PCDHGB4: variants seen among roughly 807,000 people sequenced by gnomAD.
The protein encoded by PCDHGB4 is protocadherin gamma-B4.
A neutral mutation model predicts 60.5 loss-of-function variants in PCDHGB4; 38 were observed. The ratio of observed to expected loss-of-function variants is 0.63; its 90% CI spans 0.48 to 0.82. PCDHGB4 has a LOEUF of 0.82. Ranked by LOEUF, PCDHGB4 falls within the 40% of genes least tolerant of loss-of-function variation. The pLI is 0.00. For missense variants in PCDHGB4, 1,109 were observed against 1,209.6 expected (o/e 0.92, Z 1.23); for synonymous variants, 456 against 509.7 (o/e 0.89, Z 1.42).
At chr5:141,417,699 C>A (rs2096148616) in intron 1 of PCDHGB4, 1 of 1,164,548 alleles carries the variant, frequency 8.6e-7, no homozygotes, top group Non-Finnish European at 1.2e-6. Context: ...AACCAGCTCC[C>A]ACACAGAGGC....
rs1358954122 is a variant in PCDHGB4, at chr5:141,491,553, C to T, written c.2398-3254C>T. On this transcript the variant is annotated intron_variant, in intron 1 of 3. Coordinates refer to ENST00000519479, the MANE Select transcript of PCDHGB4 (RefSeq NM_003736.4). This position sits in a 1 kb window ranked among gnomAD's most constrained non-coding sequence, Gnocchi z 6.9. ...CGCTGCGGCCCACAGACTCGCAGAG[C>T]CACTGCTACAGGACGTGCTTTTCAC... The T allele has an allele frequency of 6.2e-7, 1 of 1,613,954 alleles. No homozygotes were observed.
Position 141,512,040 on chromosome 5 carries a change from A to G in PCDHGB4, c.*867A>G, listed in dbSNP as rs775766584. 1.3e-5 allele frequency: 2 copies of G among 152,838 alleles called. No homozygotes were observed. The highest frequency in any genetic ancestry group is 2.9e-5 in the Non-Finnish European group (2 of 68,198). 9.5% of individuals were successfully genotyped at this position (152,838 alleles called of 1,614,324 possible). A position where few individuals can be genotyped will look rare whatever the true frequency, so the allele number is the denominator to read the frequency against. ...ATCAAGGCCTTGGAGGAGGCTCTGT[A>G]TGTCCTCAGGGGACTGACAACATCC... On this transcript the variant is annotated 3_prime_UTR_variant, in exon 4 of 4. Coordinates refer to ENST00000519479, the MANE Select transcript of PCDHGB4 (RefSeq NM_003736.4).
intron 1 of PCDHGB4, among the ~76,000 whole-genome samples, chr5:141,467,116 A>T (rs981562543): frequency 2.0e-5 from 3 of 150,560 alleles, no homozygotes; most frequent in Non-Finnish European, 4.4e-5. Flanking sequence ...ACAATGGTGC[A>T]ATCTCAGCTC....
chr5:141,413,668 G>T lies in PCDHGB4; in HGVS notation c.2397+23387G>T, dbSNP rs1286766786. ...TCCTCTCCCGGAAGCTATTGATCCG[G>T]ATGTGGGCGTGAACTCCCTGCAGAG... is the stretch of plus-strand genomic sequence containing the variant. On this transcript the variant is annotated intron_variant, in intron 1 of 3. Transcript: ENST00000519479. 6 of 1,613,754 alleles carry T rather than the reference G, an allele frequency of 3.7e-6. No homozygotes were observed. The Admixed American group carries it at 8.3e-5, about 22-fold the overall frequency.
intron 1 of PCDHGB4, chr5:141,398,860 G>C: frequency 6.2e-7 from 1 of 1,614,010 alleles, no homozygotes; most frequent in South Asian, 1.1e-5. Flanking sequence ...ATTCAACCGA[G>C]ACGTGTACAG....
At position 141,489,662 on chromosome 5, in the gene PCDHGB4, G is replaced by A. The variant is rs2233601; in HGVS notation, c.2398-5145G>A. On this transcript the variant is annotated intron_variant, in intron 1 of 3. Coordinates refer to ENST00000519479, the MANE Select transcript of PCDHGB4 (RefSeq NM_003736.4). This position sits in a 1 kb window ranked among gnomAD's most constrained non-coding sequence, Gnocchi z 4.5. ...TTTGCCACCCCTGAGCGAGAGATGC[G>A]CATCTCAGAATCAGCAGCATCTGGG... The A allele has an allele frequency of 4.0e-4, 649 of 1,614,144 alleles. 2 individuals are homozygous for A. The highest frequency in any genetic ancestry group is 1.5e-3 in the Middle Eastern group (9 of 6,062).
At chr5:141,444,434 G>A (rs761353277) in intron 1 of PCDHGB4, among the ~76,000 whole-genome samples, 16 of 152,196 alleles carry the variant, frequency 1.1e-4, no homozygotes, top group Admixed American at 7.2e-4. Flanking sequence ...GCCTCCCAAA[G>A]TGCTGGGATT....
rs745989563 is a variant in PCDHGB4, at chr5:141,490,728, T to G, written c.2398-4079T>G. The G allele has an allele frequency of 6.2e-7, 1 of 1,614,148 alleles. No individual in the cohort carries two copies. Among genetic ancestry groups the G allele is most frequent in the East Asian group, 2.2e-5 (1 of 44,882 alleles). ...GCCTCACCTACTCCATTGTAGGAAA[T>G]CAGGTTCAGGGAGCCCCAGCCTCCT... On this transcript the variant is annotated intron_variant, in intron 1 of 3. Transcript: ENST00000519479. The surrounding 1 kb of genome is among the most constrained non-coding windows in gnomAD (Gnocchi z 5.4).
At chr5:141,408,228 G>C (rs1233027944) in intron 1 of PCDHGB4, 2 of 1,564,122 alleles carry the variant, frequency 1.3e-6, no homozygotes, top group South Asian at 2.3e-5. Flanking sequence ...GCGCAGAGGC[G>C]CCGGGCCGGC....
intron 1 of PCDHGB4, chr5:141,403,191 G>T (rs368387997): frequency 6.2e-7 from 1 of 1,613,994 alleles, no homozygotes; most frequent in Non-Finnish European, 8.5e-7. Flanking sequence ...CTGAACCCGC[G>T]CAGCGGCACC....
At chr5:141,392,945 C>T (rs1561639150) in intron 1 of PCDHGB4, 1 of 1,613,916 alleles carries the variant, frequency 6.2e-7, no homozygotes. Flanking sequence ...AAGGCTCCTT[C>T]GTGGGTAATA....
intron 1 of PCDHGB4, chr5:141,413,227 G>A (rs552225139): frequency 1.9e-5 from 30 of 1,613,938 alleles, no homozygotes; most frequent in Non-Finnish European, 2.5e-5. Flanking sequence ...CAGCGGGCTG[G>A]TCCTGCTCTG....
rs955615446 is a variant in PCDHGB4 at position 141,420,343 on chromosome 5, ATTATT to A, written c.2397+30066_2397+30070del. Reference sequence around the variant, plus strand: ...TGCCAATATATTCCAATATAGTGGTATTATTTTAAGATTCTAGATAACTTCTTCAT... The same window carrying A: ...TGCCAATATATTCCAATATAGTGGTATTAAGATTCTAGATAACTTCTTCAT... On this transcript the variant is annotated intron_variant, in intron 1 of 3. Transcript: ENST00000519479. 8 of 1,394,426 alleles carry A rather than the reference ATTATT, an allele frequency of 5.7e-6. No homozygotes were observed. In the African/African-American group the frequency reaches 1.2e-4, roughly 20 times the overall value. 86.4% of individuals were successfully genotyped at this position (1,394,426 alleles called of 1,614,324 possible).
intron 1 of PCDHGB4, chr5:141,422,585 T>C (rs1193597044): frequency 1.2e-6 from 2 of 1,613,930 alleles, no homozygotes; most frequent in African/African-American, 2.7e-5. Context: ...CCTCCCGTTT[T>C]TCCTCACTCC....
chr5:141,393,938 C>T lies in PCDHGB4; in HGVS notation c.2397+3657C>T, dbSNP rs537803893. The T allele has an allele frequency of 1.5e-5, 25 of 1,613,934 alleles. No homozygotes were observed. In the African/African-American group the frequency reaches 2.4e-4, roughly 15 times the overall value. ...CCTTCTTGAGTGTGCATGACCAAGA[C>T]TCTGGAAAGAATGGTCAAGTTGTCT... On this transcript the variant is annotated intron_variant, in intron 1 of 3. Transcript: ENST00000519479.
chr5:141,445,341 A>G (rs1165606147), intron 1 of PCDHGB4, among the ~76,000 whole-genome samples: 2 of 152,218 alleles, frequency 1.3e-5, no homozygotes, highest in African/African-American at 4.8e-5. Context: ...AACAGTAAAC[A>G]TTGGTGTCTG....
In PCDHGB4 at chr5:141,477,294, C is replaced by T. The variant is rs753131175; in HGVS notation, c.2398-17513C>T. ...GGGCTGGTGACCTGCGAAGTTCCAC[C>T]GGGTCTCCCTTTCAGCCTTACTTCT... is the stretch of plus-strand genomic sequence containing the variant. On this transcript the variant is annotated intron_variant, in intron 1 of 3. Transcript: ENST00000519479. The surrounding 1 kb of genome is among the most constrained non-coding windows in gnomAD (Gnocchi z 4.9). 4.3e-6 allele frequency: 7 copies of T among 1,614,142 alleles called. No individual in the cohort carries two copies. Among genetic ancestry groups the T allele is most frequent in the East Asian group, 4.5e-5 (2 of 44,872 alleles).
rs1429860093 is a variant in PCDHGB4, at chr5:141,487,828, C to A, written c.2398-6979C>A. 3 of 1,184,120 alleles carry A rather than the reference C, an allele frequency of 2.5e-6. No individual in the cohort carries two copies. The highest frequency in any genetic ancestry group is 1.5e-5 in the African/African-American group (1 of 64,540). The allele number at this position is 1,184,120 out of a possible 1,614,324, so 73.4% of individuals were successfully genotyped here. A position where few individuals can be genotyped will look rare whatever the true frequency, so the allele number is the denominator to read the frequency against. ...AGTTTAGCATTGGGGGCGGGTCATG[C>A]CTATATCTGAGTAAGAAATGAAAGT... On this transcript the variant is annotated intron_variant, in intron 1 of 3. Coordinates refer to ENST00000519479, the MANE Select transcript of PCDHGB4 (RefSeq NM_003736.4). The surrounding 1 kb of genome is among the most constrained non-coding windows in gnomAD (Gnocchi z 5.0).
At chr5:141,453,481 T>TA (rs1178324090) in intron 1 of PCDHGB4, among the ~76,000 whole-genome samples, 1 of 151,928 alleles carries the variant, frequency 6.6e-6, no homozygotes, top group African/African-American at 2.4e-5. Context: ...TCAAAACTAT[T>TA]AAAAAAAGGT....
Sources: gnomAD v4.1 joint callset for allele counts (sites outside exome capture counted in the v4.1 genomes callset) on GRCh38, gnomAD v4.1.1 for gene constraint, Gnocchi (gnomAD v3.1) non-coding constraint, MANE v1.5 for transcripts, NCBI Gene and HGNC (gene_info 2026-07-23, HGNC 2026-07-21) for gene names.